Variants in VIPR2 observed in about 807,000 individuals in gnomAD.
VIPR2 encodes vasoactive intestinal peptide receptor 2.
In VIPR2, 48 loss-of-function variants were observed where a neutral mutation model predicts 58.0. The ratio of observed to expected loss-of-function variants is 0.83; its 90% CI spans 0.66 to 1.05. VIPR2 has a LOEUF of 1.05. Ranked by LOEUF, VIPR2 falls within the 50% of genes least tolerant of loss-of-function variation. The pLI is 0.00. For missense variants in VIPR2, 534 were observed against 558.0 expected (o/e 0.96, Z 0.43); for synonymous variants, 243 against 235.2 (o/e 1.03, Z -0.30).
chr7:159,073,332 C>T (rs1856495953), intron 4 of VIPR2, among the ~76,000 whole-genome samples: 1 of 152,130 alleles, frequency 6.6e-6, no homozygotes, highest in Non-Finnish European at 1.5e-5. Flanking sequence ...GCAAAGATGA[C>T]ACATGCTTGC....
At chr7:159,094,149 C>T (rs1378245779) in intron 4 of VIPR2, among the ~76,000 whole-genome samples, 1 of 152,180 alleles carries the variant, frequency 6.6e-6, no homozygotes, top group Non-Finnish European at 1.5e-5. Context: ...GGAGGCTCCT[C>T]CCCTCTGCTC....
Position 159,047,166 on chromosome 7 carries a change from C to G in VIPR2, c.456-3990G>C, listed in dbSNP as rs143596120. On this transcript the variant is annotated intron_variant, in intron 5 of 12. Transcript: ENST00000262178. ...AGGAGAATCGCTTGAACCCAGGAGG[C>G]AGAGGTTGAGATTGAATCCAGGAGC... Among the ~76,000 whole-genome samples, 663 of 152,250 alleles carry G rather than the reference C, an allele frequency of 4.4e-3. 7 individuals carry two copies. Among genetic ancestry groups the G allele is most frequent in the South Asian group, 0.023 (113 of 4,822 alleles).
intron 5 of VIPR2, among the ~76,000 whole-genome samples, chr7:159,046,778 AAAAAAG>A (rs1157569066): frequency 5.9e-5 from 9 of 152,214 alleles, no homozygotes. Context: ...ATTCTTGCAT[AAAAAAG>A]AAAAATAATT....
Position 159,103,752 on chromosome 7 carries a change from C to A in VIPR2, c.357+5G>T, listed in dbSNP as rs1402866543. On this transcript the variant is annotated splice_donor_5th_base_variant and intron_variant, in intron 4 of 12. Coordinates refer to ENST00000262178, the MANE Select transcript of VIPR2 (RefSeq NM_003382.5). ...TCACCACCGTAGCACCACGCAGGAGCCTACCTTGCTCTCATCCTCCGGGTC... is the reference window on the plus strand; with the variant it reads ...TCACCACCGTAGCACCACGCAGGAGACTACCTTGCTCTCATCCTCCGGGTC... 9 of 1,613,256 alleles carry A rather than the reference C, an allele frequency of 5.6e-6. No homozygotes were observed. The highest frequency in any genetic ancestry group is 7.6e-6 in the Non-Finnish European group (9 of 1,179,298).
In VIPR2 at chr7:159,034,299, A is replaced by T; in HGVS notation, c.885T>A (p.Asn295Lys). 2 of 1,613,750 alleles carry T rather than the reference A, an allele frequency of 1.2e-6. No homozygotes were observed. The highest frequency in any genetic ancestry group is 1.7e-6 in the Non-Finnish European group (2 of 1,179,788). Reference sequence around the variant, plus strand: ...GTATAATACTAATGAAAAGGACAAAATTGACCTGCACAAGAGATAATAAGT... The same window carrying T: ...GTATAATACTAATGAAAAGGACAAATTTGACCTGCACAAGAGATAATAAGT... ...RIPILISIIV[N>K]FVLFISIIRI... Residue 295 changes from asparagine to lysine, a missense_variant, in exon 10 of 13, where the codon AAT (asparagine) becomes AAA (lysine). Physicochemically the swap from Asn to Lys is moderately conservative, Grantham distance 94. This residue lies in a region of VIPR2 where 306 missense variants were observed against 285.8 expected (regional missense o/e 1.07). Coordinates refer to ENST00000262178, the MANE Select transcript of VIPR2 (RefSeq NM_003382.5).
intron 2 of VIPR2, among the ~76,000 whole-genome samples, chr7:159,119,875 T>C (rs578259469): frequency 6.7e-6 from 1 of 150,292 alleles, no homozygotes; most frequent in African/African-American, 2.5e-5. Flanking sequence ...CGAAGCCTGG[T>C]AGGTGGGGTT....
At chr7:159,051,396 TAGA>T (rs1006193063) in intron 5 of VIPR2, among the ~76,000 whole-genome samples, 3 of 152,082 alleles carry the variant, frequency 2.0e-5, no homozygotes, top group African/African-American at 7.2e-5. Flanking sequence ...GGGTGACAAC[TAGA>T]AGAATAGTAA....
chr7:159,100,689 CCT>C (rs1025718603), intron 4 of VIPR2, among the ~76,000 whole-genome samples: 20 of 152,388 alleles, frequency 1.3e-4, no homozygotes, highest in African/African-American at 4.1e-4. Flanking sequence ...AGGCCGTTCC[CCT>C]GACTGTTCTT....
chr7:159,144,626 G>T, intron 1 of VIPR2, 95 bp downstream of exon 1: 2 of 1,383,034 alleles, frequency 1.4e-6, no homozygotes, highest in Non-Finnish European at 1.9e-6. Context: ...TCCAGCACCC[G>T]GGAGGAAGGC....
chr7:159,092,270 C>A (rs560118403), intron 4 of VIPR2, among the ~76,000 whole-genome samples: 4 of 152,192 alleles, frequency 2.6e-5, no homozygotes, highest in Admixed American at 6.5e-5. Context: ...GCGAATCTGA[C>A]ACTCATGAAG....
intron 2 of VIPR2, among the ~76,000 whole-genome samples, chr7:159,130,685 C>T (rs111518303): frequency 2.6e-5 from 4 of 152,220 alleles, no homozygotes; most frequent in African/African-American, 7.2e-5. Context: ...AGTAACAACT[C>T]GGTCTCCCAC....
At position 159,119,237 on chromosome 7, in the gene VIPR2, C is replaced by T. The variant is rs748710001; in HGVS notation, c.152-9318G>A. On this transcript the variant is annotated intron_variant, in intron 2 of 12. Coordinates refer to ENST00000262178, the MANE Select transcript of VIPR2 (RefSeq NM_003382.5). ...ATGGGGCCCAGGCATGCAGGGGTCC[C>T]GCCCCACAGCTCCTGGCTGCCCCTG... Among the ~76,000 whole-genome samples, 9 of 152,298 alleles carry T rather than the reference C, an allele frequency of 5.9e-5. No individual in the cohort carries two copies. The East Asian group carries it at 1.2e-3, about 20-fold the overall frequency.
chr7:159,144,002 C>G (rs1434281980), intron 1 of VIPR2, among the ~76,000 whole-genome samples: 5 of 152,208 alleles, frequency 3.3e-5, no homozygotes, highest in Non-Finnish European at 7.3e-5. Flanking sequence ...GCGGAGGGGC[C>G]GCGGATCGAT....
rs568195201 is a variant in VIPR2, at chr7:159,127,751, T to C, written c.151+14695A>G. Among the ~76,000 whole-genome samples, 2 of 152,344 alleles carry C rather than the reference T, an allele frequency of 1.3e-5. No homozygotes were observed. Among genetic ancestry groups the C allele is most frequent in the Admixed American group, 6.5e-5 (1 of 15,302 alleles). ...GACTCTTCCTCTTCCAGATGTTTGC[T>C]GTTATTACCTTCATGGACAGCCAGT... On this transcript the variant is annotated intron_variant, in intron 2 of 12. Transcript: ENST00000262178. This position sits in a 1 kb window ranked among gnomAD's most constrained non-coding sequence, Gnocchi z 4.6.
intron 4 of VIPR2, among the ~76,000 whole-genome samples, chr7:159,074,955 T>C (rs530161691): frequency 1.3e-5 from 2 of 152,342 alleles, no homozygotes; most frequent in Admixed American, 1.3e-4. Context: ...ACAGGTAACT[T>C]GGAACAGGAG....
rs996123415 is a variant in VIPR2 at position 159,058,524 on chromosome 7, G to A, written c.412C>T (p.Leu138=). The A allele has an allele frequency of 1.2e-6, 2 of 1,613,524 alleles. No homozygotes were observed. Among genetic ancestry groups the A allele is most frequent in the African/African-American group, 2.7e-5 (2 of 74,936 alleles). ...ATGCTTCCTGTTGCAAGAGACATCA[G>A]AGAGACACTGTAGCCCAGTGTATAA... is the stretch of plus-strand genomic sequence containing the variant. ...AIYTLGYSVS[L]MSLATGSIIL... Residue 138 remains leucine, a synonymous_variant, in exon 5 of 13, where the codon CTG becomes TTG. Transcript: ENST00000262178.
At chr7:159,051,240 T>A (rs569954425) in intron 5 of VIPR2, among the ~76,000 whole-genome samples, 2 of 152,166 alleles carry the variant, frequency 1.3e-5, no homozygotes, top group African/African-American at 2.4e-5. Flanking sequence ...TATTTATATA[T>A]GGAATTAAAA....
At chr7:159,108,287 A>G (rs1795850389) in intron 3 of VIPR2, among the ~76,000 whole-genome samples, 1 of 152,222 alleles carries the variant, frequency 6.6e-6, no homozygotes, top group Non-Finnish European at 1.5e-5. Flanking sequence ...GTATTTGCAA[A>G]GGATGCCCAT....
chr7:159,108,444 G>A (rs543196079), intron 3 of VIPR2, among the ~76,000 whole-genome samples: 2 of 152,198 alleles, frequency 1.3e-5, no homozygotes, highest in Admixed American at 1.3e-4. Context: ...ATCTAGCTGC[G>A]ACTACTCAAG....
Sources: allele counts gnomAD v4.1 joint callset (sites outside exome capture counted in the v4.1 genomes callset), GRCh38; gene constraint gnomAD v4.1.1; regional missense constraint gnomAD v4.1.1; non-coding constraint Gnocchi (gnomAD v3.1); transcripts MANE v1.5; gene names NCBI Gene and HGNC (gene_info 2026-07-23, HGNC 2026-07-21).